Variants in NCKAP5 observed in about 807,000 individuals in gnomAD.
The protein encoded by NCKAP5 is NCK associated protein 5.
Under a neutral mutation model 167.0 loss-of-function variants are expected in NCKAP5, and 92 were observed. The observed-to-expected ratio is 0.55, with a 90% CI of 0.47 to 0.66. The LOEUF is 0.66. NCKAP5 is among the 30% of genes least tolerant of loss of function. The pLI, the probability that NCKAP5 is intolerant of heterozygous loss-of-function variation, is 0.00. For missense variants in NCKAP5, 2,378 were observed against 2,315.0 expected, an observed-to-expected ratio of 1.03 and a Z score of -0.56; for synonymous variants, 891 against 877.4, an observed-to-expected ratio of 1.02 and a Z score of -0.27.
intron 6 of NCKAP5, among the ~76,000 whole-genome samples, chr2:133,088,622 T>A (rs546383591): frequency 1.2e-4 from 19 of 152,306 alleles, no homozygotes; most frequent in Admixed American, 5.2e-4. Context: ...TGTTCCATTT[T>A]ATAACAAATA....
Position 133,097,200 on chromosome 2 carries a change from A to ACTC in NCKAP5, c.341+32775_341+32777dup, listed in dbSNP as rs746991584. On this transcript the variant is annotated intron_variant, in intron 6 of 19. Transcript: ENST00000409261. Reference sequence around the variant, plus strand: ...AGGAGGCATGGAGCAGCTGCCTTGGACTCCGAGATGATGGCTATGCACAGA... The same window carrying ACTC: ...AGGAGGCATGGAGCAGCTGCCTTGGACTCCTCCGAGATGATGGCTATGCACAGA... Among the ~76,000 whole-genome samples the ACTC allele has an allele frequency of 2.4e-4, 37 of 152,064 alleles. No individual in the cohort carries two copies. The Middle Eastern group carries it at 0.017, about 70-fold the overall frequency.
Position 132,728,970 on chromosome 2 carries a change from T to C in NCKAP5, c.5444-18A>G. On this transcript the variant is annotated intron_variant, in intron 17 of 19. Coordinates refer to ENST00000409261, the MANE Select transcript of NCKAP5 (RefSeq NM_207363.3). ...GACTTTTCCTAAATGAGGACACGTA[T>C]GTGGAATCACATATCACCTTTCATC... 6.2e-7 allele frequency: 1 copy of C among 1,613,554 alleles called. No individual in the cohort carries two copies. The highest frequency in any genetic ancestry group is 8.5e-7 in the Non-Finnish European group (1 of 1,179,682).
At chr2:132,860,264 C>T (rs1048719571) in intron 11 of NCKAP5, among the ~76,000 whole-genome samples, 1 of 152,114 alleles carries the variant, frequency 6.6e-6, no homozygotes, top group African/African-American at 2.4e-5. Flanking sequence ...CTGATTGTCC[C>T]TTTTGCCTGT....
chr2:132,716,976 C>A (rs893299022), intron 19 of NCKAP5, among the ~76,000 whole-genome samples: 3 of 152,154 alleles, frequency 2.0e-5, no homozygotes, highest in Non-Finnish European at 2.9e-5. Flanking sequence ...GTTTATGACA[C>A]TTCTCCTCAC....
At chr2:133,645,789 G>A in the NCKAP5 span, among the ~76,000 whole-genome samples, 268 of 151,842 alleles carry the variant, frequency 1.8e-3, 2 homozygotes, top group African/African-American at 3.0e-3. Context: ...TAATAATCAC[G>A]GATATTATGC....
At chr2:132,946,999 G>T (rs79801873) in intron 8 of NCKAP5, among the ~76,000 whole-genome samples, 2 of 152,172 alleles carry the variant, frequency 1.3e-5, no homozygotes, top group African/African-American at 4.8e-5. Flanking sequence ...AAAAGTTGTG[G>T]TGTTTCTTAA....
At chr2:133,085,338 C>T (rs1248778396) in intron 6 of NCKAP5, among the ~76,000 whole-genome samples, 2 of 152,062 alleles carry the variant, frequency 1.3e-5, no homozygotes, top group Admixed American at 1.3e-4. Context: ...CAGTAATGGT[C>T]TAGGTTGACT....
chr2:133,531,361 T>G (rs962801964), intron 2 of NCKAP5, among the ~76,000 whole-genome samples: 49 of 152,316 alleles, frequency 3.2e-4, no homozygotes, highest in Middle Eastern at 3.4e-3. Flanking sequence ...TATGTTTTAT[T>G]ACTCTTGAGA....
intron 4 of NCKAP5, among the ~76,000 whole-genome samples, chr2:133,235,366 G>T (rs912565601): frequency 2.0e-5 from 3 of 152,044 alleles, no homozygotes; most frequent in Non-Finnish European, 4.4e-5. Context: ...CTTTTTGCAT[G>T]TTTGTGCTTT....
At chr2:133,109,508 T>A (rs549707069) in intron 6 of NCKAP5, among the ~76,000 whole-genome samples, 1 of 152,154 alleles carries the variant, frequency 6.6e-6, no homozygotes, top group African/African-American at 2.4e-5. Context: ...GAAGGATATA[T>A]AGGAAGTAGA....
At chr2:133,151,465 G>T (rs73000833) in intron 5 of NCKAP5, among the ~76,000 whole-genome samples, 1 of 152,004 alleles carries the variant, frequency 6.6e-6, no homozygotes, top group African/African-American at 2.4e-5. Flanking sequence ...AAAAAACCGC[G>T]TTAAGAAGTG....
At chr2:133,495,574 A>G (rs1416304697) in intron 3 of NCKAP5, among the ~76,000 whole-genome samples, 1 of 152,194 alleles carries the variant, frequency 6.6e-6, no homozygotes, top group African/African-American at 2.4e-5. Context: ...CAGTTACTGC[A>G]ACTACTGTTT....
intron 6 of NCKAP5, among the ~76,000 whole-genome samples, chr2:133,023,797 G>A (rs2078609159): frequency 1.3e-5 from 2 of 152,182 alleles, no homozygotes; most frequent in Admixed American, 1.3e-4. Flanking sequence ...TGTTATGGGT[G>A]TGTAGTATTC....
intron 19 of NCKAP5, among the ~76,000 whole-genome samples, chr2:132,694,351 G>C (rs1337051223): frequency 6.6e-6 from 1 of 152,062 alleles, no homozygotes; most frequent in African/African-American, 2.4e-5. Context: ...AAGTCTATTT[G>C]GATGCACACA....
intron 3 of NCKAP5, among the ~76,000 whole-genome samples, chr2:133,421,070 C>A (rs1486401220): frequency 3.3e-5 from 5 of 152,182 alleles, no homozygotes; most frequent in Non-Finnish European, 5.9e-5. Flanking sequence ...TCAAATGGGG[C>A]CTTTTTTTCT....
At position 133,303,021 on chromosome 2, in the gene NCKAP5, C is replaced by T. The variant is rs1680509284; in HGVS notation, c.143+16G>A. On this transcript the variant is annotated intron_variant, in intron 4 of 19. Coordinates refer to ENST00000409261, the MANE Select transcript of NCKAP5 (RefSeq NM_207363.3). ...TGCTACCTGAGCAAGCAAATAAGAA[C>T]ATGAATTGAACTCACCTCCAGAGAC... 1 of 1,581,678 alleles carries T rather than the reference C, an allele frequency of 6.3e-7. No homozygotes were observed. Among genetic ancestry groups the T allele is most frequent in the Non-Finnish European group, 8.6e-7 (1 of 1,158,420 alleles).
intron 3 of NCKAP5, among the ~76,000 whole-genome samples, chr2:133,382,093 T>G (rs996456205): frequency 2.0e-5 from 3 of 152,220 alleles, no homozygotes; most frequent in Non-Finnish European, 4.4e-5. Flanking sequence ...CTGATAGTTG[T>G]CTTTGAGTAA....
the NCKAP5 span, among the ~76,000 whole-genome samples, chr2:133,666,316 G>A: frequency 3.3e-5 from 5 of 151,080 alleles, 1 homozygote; most frequent in African/African-American, 1.2e-4. Flanking sequence ...TCCTGCCTCA[G>A]CCTCTCGAGT....
At chr2:133,147,535 A>G (rs1821427) in intron 5 of NCKAP5, among the ~76,000 whole-genome samples, 27,837 of 152,160 alleles carry the variant, frequency 0.18, 2,788 homozygotes, top group Non-Finnish European at 0.22. Context: ...ATAGTGTTCA[A>G]GAGACTAATA....
Sources: allele counts gnomAD v4.1 joint callset (sites outside exome capture counted in the v4.1 genomes callset), GRCh38; gene constraint gnomAD v4.1.1; transcripts MANE v1.5; gene names NCBI Gene and HGNC (gene_info 2026-07-23, HGNC 2026-07-21).